Variants in SGCZ observed in about 807,000 individuals in gnomAD.
The protein encoded by SGCZ is sarcoglycan zeta.
SGCZ carries 40 observed loss-of-function variants against 41.3 expected under a neutral mutation model. The observed-to-expected ratio is 0.97, with a 90% CI of 0.75 to 1.26. The LOEUF (loss-of-function observed/expected upper bound fraction) is 1.26. SGCZ is among the 50% of genes most tolerant of loss of function. The pLI is 0.00. For missense variants in SGCZ, 552 were observed against 369.8 expected, an observed-to-expected ratio of 1.49 and a Z score of -4.04; for synonymous variants, 206 against 137.5, an observed-to-expected ratio of 1.50 and a Z score of -3.49.
intron 3 of SGCZ, among the ~76,000 whole-genome samples, chr8:14,258,321 A>G (rs1799536303): frequency 6.6e-6 from 1 of 152,178 alleles, no homozygotes; most frequent in Non-Finnish European, 1.5e-5. Context: ...TCATTTAAAG[A>G]GGGCAATGTA....
intron 1 of SGCZ, among the ~76,000 whole-genome samples, chr8:15,105,214 T>C (rs1272142704): frequency 1.3e-5 from 2 of 152,240 alleles, no homozygotes; most frequent in African/African-American, 4.8e-5. Flanking sequence ...TTGTTGTAAG[T>C]GTTCTTTGCA....
intron 2 of SGCZ, among the ~76,000 whole-genome samples, chr8:14,416,466 C>G (rs1585480046): frequency 6.6e-6 from 1 of 151,824 alleles, no homozygotes; most frequent in African/African-American, 2.4e-5. Context: ...TACAACTGCA[C>G]CCATGAAAGC....
chr8:14,107,534 TAGCTTTCTC>T (rs1441006415), intron 6 of SGCZ, among the ~76,000 whole-genome samples: 1 of 152,230 alleles, frequency 6.6e-6, no homozygotes, highest in Non-Finnish European at 1.5e-5. Flanking sequence ...TGGTCATTTA[TAGCTTTCTC>T]AGCGCCCTAT....
chr8:14,190,014 C>CTTTTTTTTTTTTTTTTTTTTTTTTTT (rs71304966), intron 4 of SGCZ, among the ~76,000 whole-genome samples: 1 of 100,198 alleles, frequency 1.0e-5, no homozygotes, highest in Non-Finnish European at 2.0e-5. Flanking sequence ...TTCTTTCTTT[C>CTTTTTTTTTTTTTTTTTTTTTTTTTT]TTTTTTTTTT....
At chr8:14,149,560 T>G (rs1053112260) in intron 5 of SGCZ, among the ~76,000 whole-genome samples, 4 of 151,304 alleles carry the variant, frequency 2.6e-5, no homozygotes, top group Non-Finnish European at 5.9e-5. Context: ...TGTATATGGA[T>G]CGGAAGAATC....
intron 1 of SGCZ, among the ~76,000 whole-genome samples, chr8:14,821,104 CA>C (rs1802066191): frequency 1.3e-5 from 2 of 151,748 alleles, no homozygotes; most frequent in South Asian, 4.2e-4. Context: ...AAAGAAAACT[CA>C]AATAAAATCA....
chr8:14,884,955 C>T lies in SGCZ; in HGVS notation c.40-330029G>A, dbSNP rs906333010. ...CTCTCAGCTGTGACTTCTGCAGGATCTTTCTTCATTCCAGAAAAAATCGAC... is the reference window on the plus strand; with the variant it reads ...CTCTCAGCTGTGACTTCTGCAGGATTTTTCTTCATTCCAGAAAAAATCGAC... On this transcript the variant is annotated intron_variant, in intron 1 of 7. Transcript: ENST00000382080. Among the ~76,000 whole-genome samples, 12 of 152,066 alleles carry T rather than the reference C, an allele frequency of 7.9e-5. 1 individual carries two copies.
At chr8:14,436,330 T>C (rs981670417) in intron 2 of SGCZ, among the ~76,000 whole-genome samples, 1 of 152,136 alleles carries the variant, frequency 6.6e-6, no homozygotes, top group Non-Finnish European at 1.5e-5. Context: ...ATATTAAAAG[T>C]AGTGAAATTT....
intron 1 of SGCZ, among the ~76,000 whole-genome samples, chr8:15,178,937 T>C (rs1162328494): frequency 6.6e-6 from 1 of 152,206 alleles, no homozygotes; most frequent in Non-Finnish European, 1.5e-5. Context: ...CATAGTGAAG[T>C]CAACTTAGAA....
chr8:14,262,458 G>A (rs781152166), intron 3 of SGCZ, among the ~76,000 whole-genome samples: 1 of 151,910 alleles, frequency 6.6e-6, no homozygotes, highest in South Asian at 2.1e-4. Flanking sequence ...TTTACTTAAG[G>A]TTAATTAATT....
At chr8:14,537,575 C>G (rs559372777) in intron 2 of SGCZ, among the ~76,000 whole-genome samples, 3 of 148,464 alleles carry the variant, frequency 2.0e-5, no homozygotes, top group African/African-American at 7.4e-5. Flanking sequence ...TTTTTCACTT[C>G]TTGAGCTCTT....
intron 3 of SGCZ, among the ~76,000 whole-genome samples, chr8:14,316,540 T>G (rs1007131579): frequency 6.6e-6 from 1 of 151,958 alleles, no homozygotes; most frequent in African/African-American, 2.4e-5. Context: ...GAAGGAAGGA[T>G]TTGTAGTCTC....
At chr8:14,714,339 T>A (rs1363297148) in intron 1 of SGCZ, among the ~76,000 whole-genome samples, 1 of 152,148 alleles carries the variant, frequency 6.6e-6, no homozygotes, top group Non-Finnish European at 1.5e-5. Flanking sequence ...TTAAAAAAAG[T>A]AACAGTATCA....
At chr8:14,107,447 G>A (rs1427149975) in intron 6 of SGCZ, among the ~76,000 whole-genome samples, 1 of 152,018 alleles carries the variant, frequency 6.6e-6, no homozygotes, top group East Asian at 1.9e-4. Context: ...ATATTAGACT[G>A]AGGAACCCCA....
intron 1 of SGCZ, among the ~76,000 whole-genome samples, chr8:14,939,911 T>A (rs771404762): frequency 3.5e-4 from 53 of 152,170 alleles, no homozygotes; most frequent in Non-Finnish European, 6.3e-4. Flanking sequence ...CTTCCTTCTC[T>A]ACCTAGTTTA....
At chr8:14,680,306 T>C (rs566060450) in intron 1 of SGCZ, among the ~76,000 whole-genome samples, 4 of 152,132 alleles carry the variant, frequency 2.6e-5, no homozygotes, top group Admixed American at 6.5e-5. Context: ...ACAAAACCCA[T>C]AGAACATACA....
At chr8:14,385,805 C>T (rs78305602) in intron 2 of SGCZ, among the ~76,000 whole-genome samples, 1 of 152,082 alleles carries the variant, frequency 6.6e-6, no homozygotes, top group Non-Finnish European at 1.5e-5. Context: ...AATAACAAAT[C>T]GAATACACTC....
intron 1 of SGCZ, among the ~76,000 whole-genome samples, chr8:15,105,243 G>A (rs904985841): frequency 2.0e-5 from 3 of 152,002 alleles, no homozygotes; most frequent in South Asian, 4.1e-4. Context: ...GATCAAATAC[G>A]TTGCCAGTTT....
At chr8:14,287,727 G>A (rs895677523) in intron 3 of SGCZ, among the ~76,000 whole-genome samples, 4 of 151,928 alleles carry the variant, frequency 2.6e-5, no homozygotes, top group Non-Finnish European at 4.4e-5. Context: ...ATCCCCGATT[G>A]GATTCAGCTG....
Sources: gnomAD v4.1 joint callset for allele counts (sites outside exome capture counted in the v4.1 genomes callset) on GRCh38, gnomAD v4.1.1 for gene constraint, MANE v1.5 for transcripts, NCBI Gene and HGNC (gene_info 2026-07-23, HGNC 2026-07-21) for gene names.